Variants in MEGF11 observed in about 807,000 individuals in gnomAD.
MEGF11 encodes the protein multiple EGF like domains 11.
MEGF11 carries 126 observed loss-of-function variants against 146.6 expected under a neutral mutation model. The ratio of observed to expected loss-of-function variants is 0.86; its 90% CI spans 0.74 to 1.00. The LOEUF (loss-of-function observed/expected upper bound fraction) is 1.00, where lower values mean the gene tolerates loss of function less well. Ranked by LOEUF, MEGF11 falls within the 50% of genes least tolerant of loss-of-function variation. The pLI is 0.00. For missense variants in MEGF11, 1,509 were observed against 1,521.2 expected (o/e 0.99, Z 0.13); for synonymous variants, 532 against 583.4 (o/e 0.91, Z 1.27).
rs2081059626 is a variant in MEGF11, at chr15:65,965,619, T to TCTTTCTTTCTTTCTTTCTTTCTTTTC, written c.900-500_900-499insGAAAAGAAAGAAAGAAAGAAAGAAAG. On this transcript the variant is annotated intron_variant, in intron 8 of 25. Coordinates refer to ENST00000395614, the MANE Select transcript of MEGF11 (RefSeq NM_001385028.1). The stretch of plus-strand genomic sequence containing the variant: ...TTCTTTCTTTTTTTTTTTTCTTTTT[T>TCTTTCTTTCTTTCTTTCTTTCTTTTC]TTTTTTTTGGCTCTTCTATTCTTTT... Among the ~76,000 whole-genome samples, 115 of 119,862 alleles carry TCTTTCTTTCTTTCTTTCTTTCTTTTC rather than the reference T, an allele frequency of 9.6e-4. 8 individuals carry two copies. The highest frequency in any genetic ancestry group is 1.6e-3 in the Non-Finnish European group (83 of 52,564). 78.6% of individuals were successfully genotyped at this position (119,862 alleles called of 152,430 possible).
chr15:66,192,790 G>T (rs938618977), intron 1 of MEGF11, among the ~76,000 whole-genome samples: 3 of 152,200 alleles, frequency 2.0e-5, no homozygotes, highest in African/African-American at 7.2e-5. Flanking sequence ...AAAATCATCA[G>T]CTAATAGGTA....
chr15:66,205,936 G>A (rs2091288712), intron 1 of MEGF11, among the ~76,000 whole-genome samples: 1 of 152,130 alleles, frequency 6.6e-6, no homozygotes, highest in African/African-American at 2.4e-5. Context: ...ATATCAAATT[G>A]GATGAAAAAG....
intron 1 of MEGF11, among the ~76,000 whole-genome samples, chr15:66,161,921 C>T (rs2089963604): frequency 6.6e-6 from 1 of 152,198 alleles, no homozygotes; most frequent in Non-Finnish European, 1.5e-5. Flanking sequence ...CATCATGACC[C>T]ACTACCCACA....
chr15:66,169,413 A>G (rs2090185350), intron 1 of MEGF11, among the ~76,000 whole-genome samples: 2 of 152,312 alleles, frequency 1.3e-5, no homozygotes, highest in Admixed American at 6.5e-5. Flanking sequence ...ATGTGCAGGG[A>G]AGGGATGGTC....
At chr15:65,984,102 G>C (rs2081758937) in intron 5 of MEGF11, among the ~76,000 whole-genome samples, 1 of 152,164 alleles carries the variant, frequency 6.6e-6, no homozygotes, top group South Asian at 2.1e-4. Flanking sequence ...TGTGCCCCAA[G>C]TATTCACACA....
intron 1 of MEGF11, among the ~76,000 whole-genome samples, chr15:66,162,181 G>A (rs2141079733): frequency 6.6e-6 from 1 of 152,322 alleles, no homozygotes; most frequent in South Asian, 2.1e-4. Flanking sequence ...ACCCTGAGAA[G>A]TAAGGTTCAG....
At chr15:66,174,678 G>C (rs1163328749) in intron 1 of MEGF11, among the ~76,000 whole-genome samples, 1 of 151,728 alleles carries the variant, frequency 6.6e-6, no homozygotes, top group Non-Finnish European at 1.5e-5. Flanking sequence ...GCCCAGCCCA[G>C]CCCCACCTGT....
chr15:66,162,667 C>T (rs1169325578), intron 1 of MEGF11, among the ~76,000 whole-genome samples: 3 of 152,044 alleles, frequency 2.0e-5, no homozygotes, highest in Admixed American at 6.5e-5. Context: ...GCCAAAGGCA[C>T]GAAGTAGCCT....
chr15:66,133,471 A>G (rs1409258464), intron 1 of MEGF11, among the ~76,000 whole-genome samples: 4 of 152,222 alleles, frequency 2.6e-5, no homozygotes, highest in African/African-American at 9.7e-5. Context: ...GAAGATACAC[A>G]CACACTTCTC....
intron 5 of MEGF11, among the ~76,000 whole-genome samples, chr15:66,063,966 G>A (rs2085011802): frequency 6.6e-6 from 1 of 152,200 alleles, no homozygotes; most frequent in Non-Finnish European, 1.5e-5. Context: ...CACAGAAACT[G>A]TCAACTCTGC....
At chr15:66,066,626 T>C (rs1290879232) in intron 5 of MEGF11, among the ~76,000 whole-genome samples, 1 of 152,160 alleles carries the variant, frequency 6.6e-6, no homozygotes, top group Non-Finnish European at 1.5e-5. Context: ...TGCTGCACTG[T>C]GGTCACACCA....
chr15:66,187,074 C>G (rs1278537523), intron 1 of MEGF11, among the ~76,000 whole-genome samples: 1 of 152,166 alleles, frequency 6.6e-6, no homozygotes, highest in Non-Finnish European at 1.5e-5. Flanking sequence ...GAAGGATGAA[C>G]TAAGATGAAA....
chr15:65,940,283 A>G (rs868812446), intron 10 of MEGF11, among the ~76,000 whole-genome samples: 2 of 152,180 alleles, frequency 1.3e-5, no homozygotes, highest in South Asian at 2.1e-4. Flanking sequence ...AGCAGCACAC[A>G]AGAGTTGCAT....
intron 1 of MEGF11, among the ~76,000 whole-genome samples, chr15:66,157,011 G>C (rs746168314): frequency 6.6e-6 from 1 of 152,106 alleles, no homozygotes; most frequent in Non-Finnish European, 1.5e-5. Flanking sequence ...TGCTTTGTGG[G>C]GAAGCCCGGA....
At chr15:65,997,188 G>A (rs2082224960) in intron 5 of MEGF11, among the ~76,000 whole-genome samples, 1 of 152,222 alleles carries the variant, frequency 6.6e-6, no homozygotes, top group African/African-American at 2.4e-5. Context: ...GGAGAGAGGA[G>A]GCCTGAGAGT....
intron 4 of MEGF11, among the ~76,000 whole-genome samples, chr15:66,108,249 G>A (rs1053676681): frequency 1.3e-5 from 2 of 152,194 alleles, no homozygotes; most frequent in Non-Finnish European, 2.9e-5. Context: ...AGCCCTGGAC[G>A]GAGAGGAAGA....
chr15:66,109,384 G>T (rs1436732996), intron 4 of MEGF11, among the ~76,000 whole-genome samples: 1 of 152,148 alleles, frequency 6.6e-6, no homozygotes, highest in Non-Finnish European at 1.5e-5. Context: ...TCTCGCCTTT[G>T]CTCATGCTGC....
At chr15:65,975,569 G>A (rs189448561) in intron 7 of MEGF11, among the ~76,000 whole-genome samples, 3 of 152,266 alleles carry the variant, frequency 2.0e-5, no homozygotes. Flanking sequence ...CCTGTTGCCT[G>A]GTCTGGTGGG....
intron 1 of MEGF11, among the ~76,000 whole-genome samples, chr15:66,163,999 C>T (rs1367136672): frequency 6.6e-6 from 1 of 152,208 alleles, no homozygotes; most frequent in African/African-American, 2.4e-5. Context: ...AGCCGCCAAA[C>T]CTCCCTCCTT....
Sources: allele counts gnomAD v4.1 joint callset (sites outside exome capture counted in the v4.1 genomes callset), GRCh38; gene constraint gnomAD v4.1.1; transcripts MANE v1.5; gene names NCBI Gene and HGNC (gene_info 2026-07-23, HGNC 2026-07-21).